Variants in CBX5 observed in about 807,000 individuals in gnomAD.
CBX5 encodes the protein chromobox 5.
CBX5 carries 7 observed loss-of-function variants against 20.7 expected under a neutral mutation model. That is an observed-to-expected ratio of 0.34 (90% CI 0.19 to 0.63). The LOEUF (loss-of-function observed/expected upper bound fraction) is 0.63. Among genes scored for constraint, CBX5 ranks in the 30% least tolerant of loss-of-function variants. The pLI, the probability that CBX5 is intolerant of heterozygous loss-of-function variation, is 0.75. For missense variants in CBX5, 110 were observed against 224.1 expected (o/e 0.49, Z 3.25); for synonymous variants, 78 against 77.0 (o/e 1.01, Z -0.07).
At chr12:54,247,564 A>G (rs1266616439) in intron 3 of CBX5, among the ~76,000 whole-genome samples, 2 of 152,174 alleles carry the variant, frequency 1.3e-5, no homozygotes, top group Non-Finnish European at 2.9e-5. Context: ...AATTCATGAG[A>G]TGAGTATTGA....
At chr12:54,252,932 C>A (rs1248990373) in intron 2 of CBX5, among the ~76,000 whole-genome samples, 1 of 141,564 alleles carries the variant, frequency 7.1e-6, no homozygotes, top group Non-Finnish European at 1.5e-5. Flanking sequence ...TTGCAGTGAG[C>A]TGAGATTGTG....
intron 1 of CBX5, among the ~76,000 whole-genome samples, chr12:54,265,781 G>T (rs112751378): frequency 6.6e-6 from 1 of 152,154 alleles, no homozygotes; most frequent in African/African-American, 2.4e-5. Flanking sequence ...AACGGCTCAC[G>T]GCTGTAATCC....
intron 4 of CBX5, among the ~76,000 whole-genome samples, chr12:54,242,536 A>C (rs1195519695): frequency 2.6e-5 from 4 of 151,858 alleles, no homozygotes; most frequent in Admixed American, 2.0e-4. Context: ...AAAAAAAAAA[A>C]AAAAAAAACC....
intron 3 of CBX5, among the ~76,000 whole-genome samples, chr12:54,249,029 T>C (rs1020348447): frequency 1.3e-5 from 2 of 152,258 alleles, no homozygotes; most frequent in Middle Eastern, 3.4e-3. Context: ...CAAAACTCTG[T>C]GCACTGGCCA....
rs147046529 is a variant in CBX5 at position 54,243,128 on chromosome 12, T to C, written c.426-1223A>G. 7.0e-4 allele frequency among the ~76,000 whole-genome samples: 106 copies of C among 150,430 alleles called. 1 individual carries two copies. The highest frequency in any genetic ancestry group is 2.5e-3 in the African/African-American group (104 of 40,986). ...AACAGAGTGAGACCCTGTCTCAAAA[T>C]AAATAAATAATAAAAAACAAAATAG... On this transcript the variant is annotated intron_variant, in intron 4 of 4. Coordinates refer to ENST00000209875, the MANE Select transcript of CBX5 (RefSeq NM_012117.3).
At chr12:54,246,964 A>G (rs542966065) in intron 3 of CBX5, among the ~76,000 whole-genome samples, 1 of 152,068 alleles carries the variant, frequency 6.6e-6, no homozygotes, top group African/African-American at 2.4e-5. Flanking sequence ...CAAATATACT[A>G]CCTCTCTCTC....
intron 1 of CBX5, among the ~76,000 whole-genome samples, chr12:54,270,906 TG>T (rs1944003004): frequency 6.6e-6 from 1 of 151,666 alleles, no homozygotes; most frequent in Non-Finnish European, 1.5e-5. Flanking sequence ...GAAAAAAGGG[TG>T]GGTGGCTGAG....
intron 4 of CBX5, among the ~76,000 whole-genome samples, chr12:54,245,529 C>T (rs139114741): frequency 0.014 from 2,075 of 152,004 alleles, 46 homozygotes; most frequent in African/African-American, 0.047. Flanking sequence ...CAGTGGCTCA[C>T]GCCTGTAATC....
rs572245247 is a variant in CBX5, at chr12:54,268,221, C to A, written c.-42-10529G>T. On this transcript the variant is annotated intron_variant, in intron 1 of 4. Transcript: ENST00000209875. The stretch of plus-strand genomic sequence containing the variant: ...TATTATGATCCTGACCAATTTCTCT[C>A]TGTGGGAATTTAAAAGCTGTAAAAA... 8.5e-5 allele frequency among the ~76,000 whole-genome samples: 13 copies of A among 152,208 alleles called. No homozygotes were observed. The Middle Eastern group carries it at 0.017, about 199-fold the overall frequency.
chr12:54,269,519 G>T (rs546968287), intron 1 of CBX5, among the ~76,000 whole-genome samples: 206 of 152,114 alleles, frequency 1.4e-3, no homozygotes, highest in Middle Eastern at 3.4e-3. Context: ...CTCCCGAGTA[G>T]CTGGGACTAC....
Position 54,235,666 on chromosome 12 carries a change from G to C in CBX5, c.*6089C>G, listed in dbSNP as rs1483948360. ...GTATTGAATAAAACTGCACTGCTCA[G>C]AGTAGATGCTCAGGTATTAACAGAT... On this transcript the variant is annotated 3_prime_UTR_variant, in exon 5 of 5. Transcript: ENST00000209875. The C allele has an allele frequency of 6.6e-6, 1 of 152,190 alleles. No homozygotes were observed. Among genetic ancestry groups the C allele is most frequent in the Non-Finnish European group, 1.5e-5 (1 of 68,022 alleles). The allele number at this position is 152,190 out of a possible 1,614,324, so 9.4% of individuals were successfully genotyped here.
Position 54,233,552 on chromosome 12 carries a change from T to C in CBX5, c.*8203A>G, listed in dbSNP as rs1943590271. The C allele has an allele frequency of 6.6e-6, 1 of 152,216 alleles. No individual in the cohort carries two copies. Among genetic ancestry groups the C allele is most frequent in the Non-Finnish European group, 1.5e-5 (1 of 68,048 alleles). 9.4% of individuals were successfully genotyped at this position (152,216 alleles called of 1,614,324 possible). Reference sequence around the variant, plus strand: ...TCTAGGCAGAAAGCCTCTCCTTTCTTCCATACCTCTTCACAGCAGCCAGTG... The same window carrying C: ...TCTAGGCAGAAAGCCTCTCCTTTCTCCCATACCTCTTCACAGCAGCCAGTG... On this transcript the variant is annotated 3_prime_UTR_variant, in exon 5 of 5. Coordinates refer to ENST00000209875, the MANE Select transcript of CBX5 (RefSeq NM_012117.3).
chr12:54,251,422 G>A (rs569289638), intron 3 of CBX5, among the ~76,000 whole-genome samples: 8 of 151,880 alleles, frequency 5.3e-5, no homozygotes, highest in African/African-American at 1.9e-4. Context: ...GGGAGGCTGA[G>A]GGAGGAGAAT....
intron 4 of CBX5, among the ~76,000 whole-genome samples, chr12:54,244,798 T>A (rs1943717443): frequency 6.6e-6 from 1 of 152,162 alleles, no homozygotes. Context: ...CTCTACTGGA[T>A]GAAATAACTT....
chr12:54,243,114 A>AC (rs1215378152), intron 4 of CBX5, among the ~76,000 whole-genome samples: 4 of 152,046 alleles, frequency 2.6e-5, no homozygotes, highest in African/African-American at 9.7e-5. Context: ...ACAGAGTGAG[A>AC]CCCTGTCTCA....
chr12:54,243,947 C>G (rs1943705694), intron 4 of CBX5, among the ~76,000 whole-genome samples: 1 of 152,098 alleles, frequency 6.6e-6, no homozygotes, highest in African/African-American at 2.4e-5. Flanking sequence ...ATACAGGTTT[C>G]TGGGTAATTT....
intron 1 of CBX5, chr12:54,278,885 AAT>A (rs1944097728): frequency 6.6e-6 from 1 of 152,250 alleles, no homozygotes; most frequent in Non-Finnish European, 1.5e-5. Context: ...AAAGAAAAGA[AAT>A]ATATGAAAGT....
chr12:54,242,733 T>A (rs890722948), intron 4 of CBX5, among the ~76,000 whole-genome samples: 4 of 151,982 alleles, frequency 2.6e-5, no homozygotes, highest in African/African-American at 4.8e-5. Flanking sequence ...CAAATTTCAA[T>A]TATCTCAGTA....
At position 54,236,250 on chromosome 12, in the gene CBX5, A is replaced by C. The variant is rs1479286241; in HGVS notation, c.*5505T>G. The C allele has an allele frequency of 1.3e-5, 2 of 152,098 alleles. No individual in the cohort carries two copies. The highest frequency in any genetic ancestry group is 3.8e-4 in the East Asian group (2 of 5,200). 9.4% of individuals were successfully genotyped at this position (152,098 alleles called of 1,614,324 possible). A position where few individuals can be genotyped will look rare whatever the true frequency, so the allele number is the denominator to read the frequency against. On this transcript the variant is annotated 3_prime_UTR_variant, in exon 5 of 5. Coordinates refer to ENST00000209875, the MANE Select transcript of CBX5 (RefSeq NM_012117.3). ...ATACCAAACTATTTTTTTTTTGAAC[A>C]GAAACATAGCTTGTAAGCACTTAAA...
Sources: gnomAD v4.1 joint callset for allele counts (sites outside exome capture counted in the v4.1 genomes callset) on GRCh38, gnomAD v4.1.1 for gene constraint, MANE v1.5 for transcripts, NCBI Gene and HGNC (gene_info 2026-07-23, HGNC 2026-07-21) for gene names.